CAST: variants seen among roughly 807,000 people sequenced by gnomAD.
CAST encodes MIR583 host.
Under a neutral mutation model 119.6 loss-of-function variants are expected in CAST, and 76 were observed. The ratio of observed to expected loss-of-function variants is 0.64; its 90% CI spans 0.53 to 0.77. CAST has a LOEUF of 0.77. CAST is among the 30% of genes least tolerant of loss of function. CAST has a pLI of 0.00. For missense variants in CAST, 953 were observed against 946.5 expected (o/e 1.01, Z -0.09); for synonymous variants, 319 against 331.6 (o/e 0.96, Z 0.41).
the CAST span, among the ~76,000 whole-genome samples, chr5:96,133,422 A>G: frequency 6.6e-6 from 1 of 152,166 alleles, no homozygotes; most frequent in Non-Finnish European, 1.5e-5. Flanking sequence ...AACAAAAGTG[A>G]GAAACCTTAG....
chr5:96,182,637 A>G, the CAST span, among the ~76,000 whole-genome samples: 1 of 152,246 alleles, frequency 6.6e-6, no homozygotes, highest in African/African-American at 2.4e-5. Flanking sequence ...AGATTGATGC[A>G]GAATTCCATT....
At chr5:96,332,085 TC>T in the CAST span, among the ~76,000 whole-genome samples, 3 of 151,996 alleles carry the variant, frequency 2.0e-5, no homozygotes, top group South Asian at 2.1e-4. Context: ...GGCCTCAGAG[TC>T]CCCCAGTTGT....
At chr5:96,596,461 C>T (rs1392285064) in intron 1 of CAST, among the ~76,000 whole-genome samples, 1 of 152,172 alleles carries the variant, frequency 6.6e-6, no homozygotes, top group African/African-American at 2.4e-5. Flanking sequence ...TGATTTTTTG[C>T]TTTTGCCTCC....
At chr5:96,447,816 C>T in the CAST span, among the ~76,000 whole-genome samples, 1 of 151,870 alleles carries the variant, frequency 6.6e-6, no homozygotes. Flanking sequence ...AGCTGAGGTG[C>T]CCTGTCAGTG....
At chr5:96,253,442 A>G in the CAST span, among the ~76,000 whole-genome samples, 1 of 152,154 alleles carries the variant, frequency 6.6e-6, no homozygotes, top group African/African-American at 2.4e-5. Flanking sequence ...TCCCTGGGTT[A>G]TAACGAGCAG....
At chr5:96,291,133 C>T in the CAST span, among the ~76,000 whole-genome samples, 1 of 152,318 alleles carries the variant, frequency 6.6e-6, no homozygotes, top group South Asian at 2.1e-4. Flanking sequence ...ATCAAACCTT[C>T]ATATGACTGT....
At chr5:96,572,130 C>T (rs1181047336) in intron 1 of CAST, among the ~76,000 whole-genome samples, 1 of 152,044 alleles carries the variant, frequency 6.6e-6, no homozygotes, top group Non-Finnish European at 1.5e-5. Flanking sequence ...AAATAATTTG[C>T]CCAAAATATA....
chr5:96,103,649 C>T, the CAST span, among the ~76,000 whole-genome samples: 2 of 151,760 alleles, frequency 1.3e-5, no homozygotes, highest in Admixed American at 6.6e-5. Flanking sequence ...TGAATAATGC[C>T]ACAATAAACA....
chr5:96,062,094 G>A, the CAST span, among the ~76,000 whole-genome samples: 3 of 152,104 alleles, frequency 2.0e-5, no homozygotes, highest in Non-Finnish European at 4.4e-5. Flanking sequence ...CCTTCTCACA[G>A]GGAAGTCAGC....
the CAST span, among the ~76,000 whole-genome samples, chr5:96,262,049 C>T: frequency 6.6e-6 from 1 of 152,202 alleles, no homozygotes; most frequent in East Asian, 1.9e-4. Flanking sequence ...AATTAACCTT[C>T]AAACTTAGGT....
chr5:96,515,404 C>A, the CAST span, among the ~76,000 whole-genome samples: 1 of 151,756 alleles, frequency 6.6e-6, no homozygotes, highest in Non-Finnish European at 1.5e-5. Context: ...CATTTTGGGA[C>A]CATAAAGTGA....
chr5:96,660,327 ACT>A (rs1748251058), upstream of CAST, among the ~76,000 whole-genome samples: 1 of 152,086 alleles, frequency 6.6e-6, no homozygotes, highest in Admixed American at 6.5e-5. Context: ...TTACTCACAC[ACT>A]GTTAGGTCTT....
At chr5:96,371,814 C>A in the CAST span, among the ~76,000 whole-genome samples, 1 of 152,010 alleles carries the variant, frequency 6.6e-6, no homozygotes, top group Non-Finnish European at 1.5e-5. Context: ...GATTAAAAAT[C>A]CAAAGACAAA....
At chr5:96,143,786 A>T in the CAST span, among the ~76,000 whole-genome samples, 1 of 152,270 alleles carries the variant, frequency 6.6e-6, no homozygotes, top group African/African-American at 2.4e-5. Flanking sequence ...ATTGTAAAAC[A>T]TGGCAAATAT....
chr5:96,445,685 T>A, the CAST span, among the ~76,000 whole-genome samples: 1 of 152,174 alleles, frequency 6.6e-6, no homozygotes, highest in Admixed American at 6.5e-5. Context: ...GTCCTGTAAA[T>A]TTCCTCAGTC....
At chr5:96,563,295 T>TATTA (rs1746414292) in intron 1 of CAST, among the ~76,000 whole-genome samples, 1 of 152,224 alleles carries the variant, frequency 6.6e-6, no homozygotes, top group Non-Finnish European at 1.5e-5. Flanking sequence ...AATACATGTG[T>TATTA]ATTATTTTCT....
At chr5:96,332,686 A>T in the CAST span, among the ~76,000 whole-genome samples, 1 of 151,886 alleles carries the variant, frequency 6.6e-6, no homozygotes, top group Non-Finnish European at 1.5e-5. Flanking sequence ...GGTGCAAGTC[A>T]GGGGGAGGAT....
chr5:96,460,097 T>C, the CAST span, among the ~76,000 whole-genome samples: 11 of 152,232 alleles, frequency 7.2e-5, no homozygotes, highest in South Asian at 4.1e-4. Context: ...CGCTGACAAG[T>C]AGCCCTGACG....
At chr5:96,502,126 T>C in the CAST span, among the ~76,000 whole-genome samples, 418 of 152,322 alleles carry the variant, frequency 2.7e-3, 3 homozygotes, top group Non-Finnish European at 7.1e-4. Context: ...TTCCACCCTG[T>C]AGATTTAACC....
Sources: gnomAD v4.1 joint callset for allele counts (sites outside exome capture counted in the v4.1 genomes callset) on GRCh38, gnomAD v4.1.1 for gene constraint, MANE v1.5 for transcripts, NCBI Gene and HGNC (gene_info 2026-07-23, HGNC 2026-07-21) for gene names.